The following SLC16A6 variants were observed in gnomAD, a reference collection of about 807,000 sequenced individuals.
SLC16A6 encodes solute carrier family 16 member 6.
Under a neutral mutation model 33.8 loss-of-function variants are expected in SLC16A6, and 15 were observed. That is an observed-to-expected ratio of 0.44 (90% CI 0.30 to 0.68). The LOEUF (loss-of-function observed/expected upper bound fraction) is 0.68, where lower values mean the gene tolerates loss of function less well. Among genes scored for constraint, SLC16A6 ranks in the 30% least tolerant of loss-of-function variants. The pLI, the probability that SLC16A6 is intolerant of heterozygous loss-of-function variation, is 0.10. For missense variants in SLC16A6, 451 were observed against 661.5 expected, an observed-to-expected ratio of 0.68 and a Z score of 3.49; for synonymous variants, 219 against 248.4, an observed-to-expected ratio of 0.88 and a Z score of 1.11.
At chr17:68,282,245 G>A (rs1555753025) in intron 1 of SLC16A6, among the ~76,000 whole-genome samples, 5 of 151,752 alleles carry the variant, frequency 3.3e-5, no homozygotes, top group African/African-American at 7.3e-5. Flanking sequence ...GCAAACTATC[G>A]CAAGGACAAA....
At chr17:68,280,179 C>CAAA (rs58937538) in intron 1 of SLC16A6, among the ~76,000 whole-genome samples, 85 of 87,416 alleles carry the variant, frequency 9.7e-4, no homozygotes, top group Admixed American at 1.7e-3. Context: ...AACTCTGTCT[C>CAAA]AAAAAAAAAA....
intron 1 of SLC16A6, among the ~76,000 whole-genome samples, chr17:68,282,089 T>C (rs1363288129): frequency 4.6e-5 from 7 of 152,130 alleles, no homozygotes; most frequent in Non-Finnish European, 1.0e-4. Flanking sequence ...CAGCAAAGAC[T>C]TGGAACCAAT....
chr17:68,269,673 G>GTTT (rs782421181), intron 5 of SLC16A6, among the ~76,000 whole-genome samples: 1 of 77,912 alleles, frequency 1.3e-5, no homozygotes, highest in Non-Finnish European at 2.2e-5. Flanking sequence ...TTCACTTTAG[G>GTTT]TTTTTTTTTT....
upstream of SLC16A6, chr17:68,291,174 T>A (rs143320275): frequency 3.3e-5 from 5 of 151,748 alleles, no homozygotes; most frequent in East Asian, 3.9e-4. Flanking sequence ...CTCGGTAACA[T>A]GAGAAAAGGA....
intron 1 of SLC16A6, among the ~76,000 whole-genome samples, chr17:68,281,412 C>A (rs1166498374): frequency 2.6e-5 from 4 of 151,630 alleles, no homozygotes; most frequent in Non-Finnish European, 4.4e-5. Flanking sequence ...ACTAAAAATA[C>A]AAAAATTAGC....
chr17:68,272,324 T>C (rs1194159578), intron 4 of SLC16A6, among the ~76,000 whole-genome samples: 5 of 152,220 alleles, frequency 3.3e-5, no homozygotes, highest in Non-Finnish European at 7.3e-5. Flanking sequence ...TGTAGCTCTT[T>C]TGAAAAACGA....
At chr17:68,273,504 A>G (rs2075411121) in intron 3 of SLC16A6, among the ~76,000 whole-genome samples, 1 of 152,136 alleles carries the variant, frequency 6.6e-6, no homozygotes. Context: ...TACAGGCATG[A>G]GCCACCATGC....
intron 1 of SLC16A6, among the ~76,000 whole-genome samples, chr17:68,281,552 T>C (rs2075697301): frequency 6.6e-6 from 1 of 152,056 alleles, no homozygotes; most frequent in South Asian, 2.1e-4. Flanking sequence ...TCCAGCCTGG[T>C]GACACAGCGA....
At position 68,270,958 on chromosome 17, in the gene SLC16A6, C is replaced by T; in HGVS notation, c.1202G>A (p.Gly401Glu). 2 of 1,614,104 alleles carry T rather than the reference C, an allele frequency of 1.2e-6. No homozygotes were observed. The highest frequency in any genetic ancestry group is 1.1e-5 in the South Asian group (1 of 91,074). Residue 401 changes from glycine to glutamate, a missense_variant, in exon 5 of 6, where the codon GGG becomes GAG. By Grantham distance (98) the Gly-to-Glu change is moderately conservative. Coordinates refer to ENST00000580666, the MANE Select transcript of SLC16A6 (RefSeq NM_004694.5). Reference sequence around the variant, plus strand: ...CTCAGCAAGCAGTGGAATGTGAGTCCCTCCTATTGTTCCAACCATAAACCC... The same window carrying T: ...CTCAGCAAGCAGTGGAATGTGAGTCTCTCCTATTGTTCCAACCATAAACCC... ...FFGFMVGTIGGTHIPLLAEDD... is the reference protein window; with the variant it reads ...FFGFMVGTIGETHIPLLAEDD...
chr17:68,271,699 TGGACTCAA>T lies in SLC16A6; in HGVS notation c.506-53_506-46del. 6.7e-7 allele frequency: 1 copy of T among 1,500,028 alleles called. No homozygotes were observed. The highest frequency in any genetic ancestry group is 9.1e-7 in the Non-Finnish European group (1 of 1,093,806). 92.9% of individuals were successfully genotyped at this position (1,500,028 alleles called of 1,614,324 possible). A position where few individuals can be genotyped will look rare whatever the true frequency, so the allele number is the denominator to read the frequency against. The stretch of plus-strand genomic sequence containing the variant: ...AGAAGAAATAATATAAGGTCAATAA[TGGACTCAA>T]GACCCAGGAGAAGCCATCAAGAAGA... On this transcript the variant is annotated intron_variant, in intron 4 of 5. Coordinates refer to ENST00000580666, the MANE Select transcript of SLC16A6 (RefSeq NM_004694.5). The surrounding 1 kb of genome is among the most constrained non-coding windows in gnomAD (Gnocchi z 5.3).
Position 68,271,693 on chromosome 17 carries a change from C to A in SLC16A6, c.506-39G>T. 2 of 1,523,590 alleles carry A rather than the reference C, an allele frequency of 1.3e-6. No individual in the cohort carries two copies. The highest frequency in any genetic ancestry group is 2.3e-5 in the South Asian group (2 of 85,194). 94.4% of individuals were successfully genotyped at this position (1,523,590 alleles called of 1,614,324 possible). On this transcript the variant is annotated intron_variant, in intron 4 of 5. Transcript: ENST00000580666. The surrounding 1 kb of genome is among the most constrained non-coding windows in gnomAD (Gnocchi z 5.3). ...GAGTGAAGAAGAAATAATATAAGGT[C>A]AATAATGGACTCAAGACCCAGGAGA...
chr17:68,289,376 G>A (rs868941346), intron 1 of SLC16A6, among the ~76,000 whole-genome samples: 1 of 152,142 alleles, frequency 6.6e-6, no homozygotes, highest in African/African-American at 2.4e-5. Flanking sequence ...AATTTGTCGA[G>A]AGAAGATTTG....
intron 2 of SLC16A6, chr17:68,274,272 C>T (rs550644952): frequency 3.9e-5 from 18 of 458,102 alleles, no homozygotes; most frequent in African/African-American, 2.9e-4. Flanking sequence ...TCAAGACTAG[C>T]CCGGGCAACA....
chr17:68,278,403 A>G (rs1257343802), intron 1 of SLC16A6, 76 bp from the exon 2 acceptor site: 4 of 811,836 alleles, frequency 4.9e-6, no homozygotes, highest in Middle Eastern at 2.4e-4. Context: ...TTAAGCAAAC[A>G]ACAGATAAGA....
chr17:68,269,045 C>T lies in SLC16A6; in HGVS notation c.*51G>A. 6.3e-7 allele frequency: 1 copy of T among 1,591,322 alleles called. No individual in the cohort carries two copies. Among genetic ancestry groups the T allele is most frequent in the South Asian group, 1.1e-5 (1 of 87,308 alleles). On this transcript the variant is annotated 3_prime_UTR_variant, in exon 6 of 6. Coordinates refer to ENST00000580666, the MANE Select transcript of SLC16A6 (RefSeq NM_004694.5). ...TGCCTCCTTGTGTCCCCGTTGGGCC[C>T]ACCCCATCCCTCTCCAGCCAACACA...
At chr17:68,290,504 G>A (rs2075948840) in intron 1 of SLC16A6, among the ~76,000 whole-genome samples, 1 of 152,224 alleles carries the variant, frequency 6.6e-6, no homozygotes, top group African/African-American at 2.4e-5. Context: ...GACAGTCCAG[G>A]TGGAGGACCC....
In SLC16A6 at chr17:68,282,779, TAAAAA is replaced by T. The variant is rs36155626; in HGVS notation, c.-7-4457_-7-4453del. Among the ~76,000 whole-genome samples, 31 of 53,402 alleles carry T rather than the reference TAAAAA, an allele frequency of 5.8e-4. 1 individual carries two copies. The highest frequency in any genetic ancestry group is 8.9e-4 in the Non-Finnish European group (27 of 30,262). The allele number at this position is 53,402 out of a possible 152,430, so 35.0% of individuals were successfully genotyped here. On this transcript the variant is annotated intron_variant, in intron 1 of 5. Transcript: ENST00000580666. ...CAACATAGTGAAACCCCATCTCTAC[TAAAAA>T]AAAAAAAAAAAAAAAAGGCCAGGTG...
rs561987196 is a variant in SLC16A6, at chr17:68,268,093, T to G, written c.*1003A>C. 6.6e-6 allele frequency: 1 copy of G among 152,302 alleles called. No homozygotes were observed. The highest frequency in any genetic ancestry group is 1.9e-4 in the East Asian group (1 of 5,182). 9.4% of individuals were successfully genotyped at this position (152,302 alleles called of 1,614,324 possible). ...CTTTAATAGCACACGTTGCCCCTAA[T>G]CAAATGGAAGAATCATGACAACTTG... On this transcript the variant is annotated 3_prime_UTR_variant, in exon 6 of 6. Transcript: ENST00000580666.
chr17:68,270,780 G>T, intron 5 of SLC16A6, 59 bp downstream of exon 5: 1 of 1,418,806 alleles, frequency 7.0e-7, no homozygotes. Flanking sequence ...TGAACAGGAA[G>T]CTAGCACAAT....
Sources: gnomAD v4.1 joint callset for allele counts (sites outside exome capture counted in the v4.1 genomes callset) on GRCh38, gnomAD v4.1.1 for gene constraint, Gnocchi (gnomAD v3.1) non-coding constraint, MANE v1.5 for transcripts, NCBI Gene and HGNC (gene_info 2026-07-23, HGNC 2026-07-21) for gene names.